PCDH15: variants seen among roughly 807,000 people sequenced by gnomAD.
PCDH15 encodes the protein protocadherin related 15, also known as protocadherin-15.
In PCDH15, 129 loss-of-function variants were observed where a neutral mutation model predicts 178.5. The ratio of observed to expected loss-of-function variants is 0.72; its 90% confidence interval spans 0.63 to 0.84. The LOEUF is 0.84. Among genes scored for constraint, PCDH15 ranks in the 40% least tolerant of loss-of-function variants. PCDH15 has a pLI of 0.00. For synonymous variants in PCDH15, 800 were observed against 732.0 expected (o/e 1.09, Z -1.50); for missense variants, 2,230 against 2,099.9 (o/e 1.06, Z -1.21).
chr10:53,944,077 C>G (rs1002872937), intron 23 of PCDH15, among the ~76,000 whole-genome samples: 1 of 151,620 alleles, frequency 6.6e-6, no homozygotes, highest in Non-Finnish European at 1.5e-5. Flanking sequence ...AGGAACATAA[C>G]CAAATTGAAT....
intron 2 of PCDH15, among the ~76,000 whole-genome samples, chr10:55,586,278 T>G (rs1842725902): frequency 6.6e-6 from 1 of 151,884 alleles, no homozygotes; most frequent in Non-Finnish European, 1.5e-5. Context: ...ACCCCATAAT[T>G]CAAATATTAT....
At chr10:55,067,799 T>G (rs1841605095) in intron 2 of PCDH15, among the ~76,000 whole-genome samples, 1 of 151,910 alleles carries the variant, frequency 6.6e-6, no homozygotes, top group Non-Finnish European at 1.5e-5. Flanking sequence ...GGGGTAAGAT[T>G]ATATTTTATT....
chr10:54,552,600 T>A (rs2086736250), intron 2 of PCDH15, among the ~76,000 whole-genome samples: 1 of 152,188 alleles, frequency 6.6e-6, no homozygotes, highest in Non-Finnish European at 1.5e-5. Flanking sequence ...CTCAGCTTCC[T>A]TATTGGTAAA....
chr10:54,284,832 A>T (rs2058934573), intron 8 of PCDH15, among the ~76,000 whole-genome samples: 1 of 152,144 alleles, frequency 6.6e-6, no homozygotes, highest in Non-Finnish European at 1.5e-5. Context: ...TAAAAAATTA[A>T]TCAGGAGTAG....
intron 2 of PCDH15, among the ~76,000 whole-genome samples, chr10:55,079,066 A>G (rs562456492): frequency 2.0e-5 from 3 of 152,172 alleles, no homozygotes; most frequent in African/African-American, 7.2e-5. Flanking sequence ...TTTAAAATCA[A>G]TATTTAGAAT....
intron 8 of PCDH15, among the ~76,000 whole-genome samples, chr10:54,250,800 TTAAATGTCTC>T (rs1354297045): frequency 2.6e-5 from 4 of 152,164 alleles, no homozygotes; most frequent in African/African-American, 9.7e-5. Context: ...ATTGCATTTG[TTAAATGTCTC>T]TAATGTGTTC....
rs61851156 is a variant in PCDH15, at chr10:55,478,739, C to A, written c.-156+148886G>T. Reference sequence around the variant, plus strand: ...TTTAAGAGCTAAAAAGTTGACAAATCTTTAACAACATTAAGAAAAAAGAGA... The same window carrying A: ...TTTAAGAGCTAAAAAGTTGACAAATATTTAACAACATTAAGAAAAAAGAGA... On this transcript the variant is annotated intron_variant, in intron 2 of 5. Transcript: ENST00000613346. 6.9e-3 allele frequency among the ~76,000 whole-genome samples: 1,047 copies of A among 150,728 alleles called. 7 individuals carry two copies. The highest frequency in any genetic ancestry group is 0.011 in the Non-Finnish European group (750 of 67,350).
At chr10:55,369,467 T>C (rs1845445772) in intron 2 of PCDH15, among the ~76,000 whole-genome samples, 1 of 152,068 alleles carries the variant, frequency 6.6e-6, no homozygotes, top group Non-Finnish European at 1.5e-5. Context: ...TTGGTCACAG[T>C]GGTGCAAGAG....
At chr10:54,879,932 T>C (rs1954229946) in intron 3 of PCDH15, among the ~76,000 whole-genome samples, 1 of 152,000 alleles carries the variant, frequency 6.6e-6, no homozygotes, top group Admixed American at 6.6e-5. Flanking sequence ...TAGCTTCAAA[T>C]CTCATTAAAA....
chr10:55,176,737 C>T (rs1839498760), intron 1 of PCDH15, among the ~76,000 whole-genome samples: 1 of 152,026 alleles, frequency 6.6e-6, no homozygotes, highest in South Asian at 2.1e-4. Context: ...AACTCAAGTA[C>T]CTGAGGATAC....
At chr10:54,379,336 A>T (rs893751748) in intron 3 of PCDH15, among the ~76,000 whole-genome samples, 1 of 152,188 alleles carries the variant, frequency 6.6e-6, no homozygotes, top group East Asian at 1.9e-4. Context: ...CTGATGTGAA[A>T]AAAAGATATT....
At chr10:55,180,932 A>G (rs556619928) in intron 1 of PCDH15, among the ~76,000 whole-genome samples, 1 of 151,870 alleles carries the variant, frequency 6.6e-6, no homozygotes, top group Non-Finnish European at 1.5e-5. Context: ...AGAGGGGGAA[A>G]ACTCAGAGAA....
chr10:54,731,110 T>A (rs1943267981), intron 1 of PCDH15, among the ~76,000 whole-genome samples: 1 of 151,322 alleles, frequency 6.6e-6, no homozygotes, highest in Non-Finnish European at 1.5e-5. Context: ...GAAAAGACAT[T>A]TTTCTAAAGA....
chr10:53,811,026 C>CTGTA (rs1471579707), intron 36 of PCDH15, among the ~76,000 whole-genome samples: 1 of 152,188 alleles, frequency 6.6e-6, no homozygotes, highest in East Asian at 1.9e-4. Context: ...CACATTAAAT[C>CTGTA]TGTATGTTGG....
intron 21 of PCDH15, among the ~76,000 whole-genome samples, chr10:53,990,771 G>A (rs955890670): frequency 3.9e-5 from 6 of 152,058 alleles, no homozygotes; most frequent in Non-Finnish European, 8.8e-5. Context: ...GGCTGGCTGA[G>A]GCTGGAGATG....
chr10:54,992,757 GAA>G (rs202240183), intron 2 of PCDH15, among the ~76,000 whole-genome samples: 41,325 of 120,930 alleles, frequency 0.34, 6,658 homozygotes, highest in African/African-American at 0.48. Context: ...TCCATCTCAA[GAA>G]AAAAAAAAAA....
Position 53,900,353 on chromosome 10 carries a change from T to C in PCDH15, c.3501+2890A>G, listed in dbSNP as rs1050124821. On this transcript the variant is annotated intron_variant, in intron 26 of 37. Transcript: ENST00000644397. ...AAGGACCCCTTTCCCTAGTCTGAAT[T>C]ACCCACTGATAGTTTGAAGGGGGAG... Among the ~76,000 whole-genome samples the C allele has an allele frequency of 4.6e-5, 7 of 151,984 alleles. No individual in the cohort carries two copies. In the East Asian group the frequency reaches 1.4e-3, roughly 29 times the overall value.
At chr10:54,486,657 C>T (rs879678634) in intron 3 of PCDH15, among the ~76,000 whole-genome samples, 1 of 151,446 alleles carries the variant, frequency 6.6e-6, no homozygotes, top group African/African-American at 2.4e-5. Flanking sequence ...TTCTTGTTAG[C>T]AGTAAAAATC....
chr10:55,442,357 G>A (rs1238635149), intron 2 of PCDH15, among the ~76,000 whole-genome samples: 1 of 148,570 alleles, frequency 6.7e-6, no homozygotes, highest in Non-Finnish European at 1.5e-5. Flanking sequence ...GTAATATGCA[G>A]TCATGTGTTC....
Sources: gnomAD v4.1 joint callset for allele counts (sites outside exome capture counted in the v4.1 genomes callset) on GRCh38, gnomAD v4.1.1 for gene constraint, MANE v1.5 for transcripts, NCBI Gene and HGNC (gene_info 2026-07-23, HGNC 2026-07-21) for gene names.